ABCC3: variants seen among roughly 807,000 people sequenced by gnomAD.
The protein encoded by ABCC3 is ATP-binding cassette sub-family C member 3.
A neutral mutation model predicts 165.3 loss-of-function variants in ABCC3; 121 were observed. The observed-to-expected ratio is 0.73, with a 90% CI of 0.63 to 0.85. ABCC3 has a LOEUF of 0.85. Ranked by LOEUF, ABCC3 falls within the 40% of genes least tolerant of loss-of-function variation. ABCC3 has a pLI of 0.00. For missense variants in ABCC3, 1,869 were observed against 1,964.1 expected (o/e 0.95, Z 0.92); for synonymous variants, 733 against 810.1 (o/e 0.90, Z 1.62).
In ABCC3 at chr17:50,676,057, C is replaced by T; in HGVS notation, c.3034C>T (p.Leu1012=). 1 of 1,614,082 alleles carries T rather than the reference C, an allele frequency of 6.2e-7. No individual in the cohort carries two copies. Among genetic ancestry groups the T allele is most frequent in the Non-Finnish European group, 8.5e-7 (1 of 1,180,042 alleles). The change falls in exon 22 of 31, where the codon CTG becomes TTG. Residue 1012 remains leucine (L), a synonymous_variant. Transcript: ENST00000285238. The part of the protein sequence containing the change: ...DSRQNNTSLR[L]GVYAALGILQ... ...TAGACAGAACAACACTTCCCTGAGGCTGGGCGTCTATGCTGCTTTAGGAAT... is the reference window on the plus strand; with the variant it reads ...TAGACAGAACAACACTTCCCTGAGGTTGGGCGTCTATGCTGCTTTAGGAAT...
At chr17:50,645,399 A>AG (rs1966986767) in intron 1 of ABCC3, among the ~76,000 whole-genome samples, 1 of 141,388 alleles carries the variant, frequency 7.1e-6, no homozygotes, top group Non-Finnish European at 1.5e-5. Context: ...AAAAAAAAAA[A>AG]GATGGGAGAA....
intron 17 of ABCC3, among the ~76,000 whole-genome samples, chr17:50,670,520 C>T (rs143255309): frequency 7.9e-5 from 12 of 152,216 alleles, no homozygotes; most frequent in South Asian, 4.1e-4. Context: ...ACTAAAATGC[C>T]GGGCTAATAT....
chr17:50,689,505 T>C (rs945038612), intron 30 of ABCC3, among the ~76,000 whole-genome samples: 2 of 152,190 alleles, frequency 1.3e-5, no homozygotes, highest in African/African-American at 2.4e-5. Context: ...CTCAGACAAG[T>C]CTTCTTTGAA....
chr17:50,646,093 A>G (rs1190804519), intron 1 of ABCC3, among the ~76,000 whole-genome samples: 1 of 152,236 alleles, frequency 6.6e-6, no homozygotes, highest in Non-Finnish European at 1.5e-5. Flanking sequence ...GATAGGTGTT[A>G]TAGAGAAAAG....
At chr17:50,668,242 C>T (rs948406759) in intron 13 of ABCC3, among the ~76,000 whole-genome samples, 188 bp from the exon 14 acceptor site, 2 of 152,166 alleles carry the variant, frequency 1.3e-5, no homozygotes, top group African/African-American at 4.8e-5. Context: ...ATAGCCTCCT[C>T]TTACCAACCT....
chr17:50,673,900 T>TTTTCTTTCTTCCTTTCTTTC (rs1967705837), intron 19 of ABCC3, among the ~76,000 whole-genome samples: 2 of 131,514 alleles, frequency 1.5e-5, no homozygotes, highest in African/African-American at 5.6e-5. Flanking sequence ...TCAGAGCCTG[T>TTTTCTTTCTTCCTTTCTTTC]TTTCTTTCTT....
At chr17:50,675,571 G>A (rs1396115481) in intron 20 of ABCC3, 60 bp from the exon 21 acceptor site, 13 of 1,561,140 alleles carry the variant, frequency 8.3e-6, no homozygotes, top group African/African-American at 2.7e-5. Context: ...GACACTCCCA[G>A]CCTCTGTCCT....
Position 50,658,190 on chromosome 17 carries a change from G to T in ABCC3, c.595G>T (p.Ala199Ser), listed in dbSNP as rs375273144. The stretch of plus-strand genomic sequence containing the variant: ...CAGGGAGAAACCTCCATTTTTCTCC[G>T]CAAAGAATGTCGACCCTGTGAGTTT... ...CFREKPPFFS[A>S]KNVDPNPYPE... The change falls in exon 5 of 31, where the codon GCA becomes TCA. Residue 199 changes from alanine to serine, a missense_variant. Transcript: ENST00000285238. The T allele has an allele frequency of 1.9e-5, 30 of 1,614,148 alleles. No individual in the cohort carries two copies. The African/African-American group carries it at 3.5e-4, about 19-fold the overall frequency.
At chr17:50,679,658 G>A in intron 25 of ABCC3, 140 bp from the exon 26 acceptor site, 1 of 717,776 alleles carries the variant, frequency 1.4e-6, no homozygotes. Flanking sequence ...ATGCCTGTGG[G>A]CTTGATCCAG....
chr17:50,663,263 T>G, intron 8 of ABCC3: 1 of 198,680 alleles, frequency 5.0e-6, no homozygotes, highest in Non-Finnish European at 1.0e-5. Context: ...GGCCACTGAG[T>G]TTGGAAAGGT....
rs58028763 is a variant in ABCC3 at position 50,664,803 on chromosome 17, G to A, written c.1339-350G>A. 6.7e-3 allele frequency: 1,611 copies of A among 241,334 alleles called. 24 individuals carry two copies. The highest frequency in any genetic ancestry group is 0.034 in the African/African-American group (1,490 of 44,058). The allele number at this position is 241,334 out of a possible 1,614,324, so 14.9% of individuals were successfully genotyped here. A position where few individuals can be genotyped will look rare whatever the true frequency, so the allele number is the denominator to read the frequency against. On this transcript the variant is annotated intron_variant, in intron 10 of 30. Coordinates refer to ENST00000285238, the MANE Select transcript of ABCC3 (RefSeq NM_003786.4). ...CTTCGAGGATGCTGATGTCTGCAAA[G>A]GAATCTTCCCAACATCTGTTGCTAT...
intron 1 of ABCC3, 160 bp downstream of exon 1, chr17:50,635,141 GT>G: frequency 3.8e-6 from 3 of 799,898 alleles, no homozygotes; most frequent in Non-Finnish European, 5.3e-6. Flanking sequence ...CGGGAGGGAG[GT>G]TGGCTGCGCC....
chr17:50,682,516 G>A (rs903104085), intron 26 of ABCC3, among the ~76,000 whole-genome samples: 3 of 151,416 alleles, frequency 2.0e-5, no homozygotes, highest in African/African-American at 4.9e-5. Context: ...CTTTGCCAGT[G>A]TGCTCCAGAA....
rs1408964042 is a variant in ABCC3 at position 50,656,762 on chromosome 17, C to A, written c.283C>A (p.Leu95Met). ...WADLFYSFHG[L>M]VHGRAPAPVF... The stretch of plus-strand genomic sequence containing the variant: ...GGACCTTTTTTACTCCTTCCATGGC[C>A]TGGTCCATGGCCGGGCCCCTGCCCC... Residue 95 changes from leucine to methionine, a missense_variant, in exon 3 of 31, where the codon CTG (leucine) becomes ATG (methionine). Transcript: ENST00000285238. 6.2e-7 allele frequency: 1 copy of A among 1,613,958 alleles called. No homozygotes were observed. Among genetic ancestry groups the A allele is most frequent in the East Asian group, 2.2e-5 (1 of 44,884 alleles).
At chr17:50,666,599 G>T (rs1312816527) in intron 11 of ABCC3, among the ~76,000 whole-genome samples, 1 of 152,202 alleles carries the variant, frequency 6.6e-6, no homozygotes, top group Non-Finnish European at 1.5e-5. Context: ...CACACATAAT[G>T]ATTAATAATT....
chr17:50,676,893 G>T (rs1037350963), intron 23 of ABCC3, among the ~76,000 whole-genome samples: 29 of 150,874 alleles, frequency 1.9e-4, no homozygotes, highest in African/African-American at 5.1e-4. Context: ...TTTTGGGGGG[G>T]GGGGGACGGA....
intron 1 of ABCC3, among the ~76,000 whole-genome samples, chr17:50,655,408 AAAAAAAAAAAAAAC>A (rs1265845265): frequency 7.4e-5 from 11 of 148,378 alleles, no homozygotes; most frequent in African/African-American, 2.7e-4. Flanking sequence ...CTGTCTCAAA[AAAAAAAAAAAAAAC>A]AAAAACAAAA....
chr17:50,658,658 A>C lies in ABCC3; in HGVS notation c.674+162A>C, dbSNP rs545505653. 5.1e-6 allele frequency: 4 copies of C among 783,722 alleles called. No homozygotes were observed. The South Asian group carries it at 6.4e-5, about 13-fold the overall frequency. The allele number at this position is 783,722 out of a possible 1,614,324, so 48.5% of individuals were successfully genotyped here. ...GATGAGGGTAGGGAAGTGGTCTGGG[A>C]GGGGGACCAAATGCAGAGGCCTGGC... On this transcript the variant is annotated intron_variant, in intron 6 of 30. Transcript: ENST00000285238.
At chr17:50,657,961 AG>A (rs1314153934) in intron 4 of ABCC3, 120 bp from the exon 5 acceptor site, 1 of 1,377,848 alleles carries the variant, frequency 7.3e-7, no homozygotes, top group East Asian at 2.3e-5. Flanking sequence ...GGGGACCTGG[AG>A]GCCCCCAGGT....
Sources: allele counts gnomAD v4.1 joint callset (sites outside exome capture counted in the v4.1 genomes callset), GRCh38; gene constraint gnomAD v4.1.1; transcripts MANE v1.5; gene names NCBI Gene and HGNC (gene_info 2026-07-23, HGNC 2026-07-21).